The following MAGI3 variants were observed in gnomAD, a reference collection of about 807,000 sequenced individuals.
MAGI3 encodes membrane-associated guanylate kinase, WW and PDZ domain-containing protein 3.
A neutral mutation model predicts 121.8 loss-of-function variants in MAGI3; 43 were observed. That is an observed-to-expected ratio of 0.35 (90% CI 0.28 to 0.46). The LOEUF (loss-of-function observed/expected upper bound fraction) is 0.46. Ranked by LOEUF, MAGI3 falls within the 20% of genes least tolerant of loss-of-function variation. MAGI3 has a pLI of 1.00. For synonymous variants in MAGI3, 553 were observed against 639.3 expected (o/e 0.86, Z 2.04); for missense variants, 1,547 against 1,797.3 (o/e 0.86, Z 2.52).
intron 2 of MAGI3, among the ~76,000 whole-genome samples, chr1:113,564,111 T>C (rs1660342551): frequency 6.6e-6 from 1 of 152,232 alleles, no homozygotes; most frequent in Non-Finnish European, 1.5e-5. Context: ...GTGGTTTCTC[T>C]CTCTTCTCTG....
intron 1 of MAGI3, chr1:113,449,633 C>T (rs1654377883): frequency 4.4e-6 from 3 of 684,872 alleles, no homozygotes; most frequent in Non-Finnish European, 7.9e-6. Flanking sequence ...ATTCAGTTTG[C>T]TGATTAAAAA....
At chr1:113,489,239 C>T (rs569168942) in intron 1 of MAGI3, among the ~76,000 whole-genome samples, 11 of 151,240 alleles carry the variant, frequency 7.3e-5, no homozygotes, top group Non-Finnish European at 1.0e-4. Context: ...AATGCAAGTC[C>T]GCCAGAGTTA....
At chr1:113,614,551 T>G in intron 6 of MAGI3, 50 bp from the exon 7 acceptor site, 1 of 1,358,938 alleles carries the variant, frequency 7.4e-7, no homozygotes, top group African/African-American at 1.4e-5. Flanking sequence ...GGTGAATTCT[T>G]TTCTGTCAGT....
Position 113,422,785 on chromosome 1 carries a change from T to C in MAGI3, c.316+31436T>C, listed in dbSNP as rs1434033852. On this transcript the variant is annotated intron_variant, in intron 1 of 20. Coordinates refer to ENST00000307546, the MANE Select transcript of MAGI3 (RefSeq NM_001142782.2). This position sits in a 1 kb window ranked among gnomAD's most constrained non-coding sequence, Gnocchi z 4.3. The stretch of plus-strand genomic sequence containing the variant: ...TGGGGGAGGCATGTTTCGGGGGGCA[T>C]GTTTTGGCCCAATTGTGTTATAGCT... Among the ~76,000 whole-genome samples the C allele has an allele frequency of 6.6e-6, 1 of 152,116 alleles. No homozygotes were observed. The highest frequency in any genetic ancestry group is 6.5e-5 in the Admixed American group (1 of 15,286).
At position 113,585,600 on chromosome 1, in the gene MAGI3, T is replaced by A. The variant is rs377636216; in HGVS notation, c.763+4T>A. 3.1e-6 allele frequency: 5 copies of A among 1,606,008 alleles called. No homozygotes were observed. In the African/African-American group the frequency reaches 6.7e-5, roughly 22 times the overall value. Reference sequence around the variant, plus strand: ...ATTAATGGCAGTGGAAACGCAGGTTTGTAAATAGATGAACAACTTCTAACT... The same window carrying A: ...ATTAATGGCAGTGGAAACGCAGGTTAGTAAATAGATGAACAACTTCTAACT... On this transcript the variant is annotated splice_donor_region_variant and intron_variant, in intron 4 of 20. Coordinates refer to ENST00000307546, the MANE Select transcript of MAGI3 (RefSeq NM_001142782.2).
At position 113,646,628 on chromosome 1, in the gene MAGI3, T is replaced by C; in HGVS notation, c.2141T>C (p.Leu714Ser). 6.3e-7 allele frequency: 1 copy of C among 1,592,282 alleles called. No individual in the cohort carries two copies. Among genetic ancestry groups the C allele is most frequent in the Non-Finnish European group, 8.5e-7 (1 of 1,172,004 alleles). The change falls in exon 12 of 21, where the codon TTA (leucine) becomes TCA (serine). Residue 714 changes from leucine (L) to serine (S), a missense_variant. Physicochemically the swap from Leu to Ser is moderately radical, Grantham distance 145. Coordinates refer to ENST00000307546, the MANE Select transcript of MAGI3 (RefSeq NM_001142782.2). ...GAGGTCTACCTGAAATCTAAGACTT[T>C]ATATGAAGATAAACGTAAGTAGTTG... ...PSEVYLKSKT[L>S]YEDKPPNTKD... is the part of the protein sequence containing the mutation.
At chr1:113,418,964 ACAT>A (rs1173258109) in intron 1 of MAGI3, among the ~76,000 whole-genome samples, 1 of 152,108 alleles carries the variant, frequency 6.6e-6, no homozygotes, top group Non-Finnish European at 1.5e-5. Flanking sequence ...TTTTTTTGCT[ACAT>A]CATTGTTTTC....
At position 113,425,689 on chromosome 1, in the gene MAGI3, G is replaced by C. The variant is rs545172322; in HGVS notation, c.316+34340G>C. ...ATTTCTTCAAAATTATTGAATTTAT[G>C]AGTATAAAATTGTTCATAATATTCC... On this transcript the variant is annotated intron_variant, in intron 1 of 20. Transcript: ENST00000307546. Among the ~76,000 whole-genome samples, 8 of 152,258 alleles carry C rather than the reference G, an allele frequency of 5.3e-5. No individual in the cohort carries two copies. The South Asian group carries it at 1.7e-3, about 32-fold the overall frequency.
At chr1:113,627,937 G>A (rs1238183156) in intron 9 of MAGI3, among the ~76,000 whole-genome samples, 5 of 151,796 alleles carry the variant, frequency 3.3e-5, no homozygotes, top group African/African-American at 4.8e-5. Flanking sequence ...TTTCTTCTAG[G>A]CAATAGATCA....
Position 113,391,061 on chromosome 1 carries a change from C to T in MAGI3, c.28C>T (p.His10Tyr), listed in dbSNP as rs1177003782. MSKTLKKKK[H>Y]WLSKVQECAV... ...GTCGAAGACGCTGAAGAAGAAGAAG[C>T]ACTGGCTCAGCAAGGTGCAGGAGTG... Residue 10 changes from histidine (H) to tyrosine (Y), a missense_variant, in exon 1 of 21, where the codon CAC becomes TAC. By Grantham distance (83) the His-to-Tyr change is moderately conservative (BLOSUM62 2). Transcript: ENST00000307546. This position sits in a 1 kb window ranked among gnomAD's most constrained non-coding sequence, Gnocchi z 4.4. 4.4e-6 allele frequency: 7 copies of T among 1,591,458 alleles called. No homozygotes were observed. Among genetic ancestry groups the T allele is most frequent in the Non-Finnish European group, 6.0e-6 (7 of 1,170,072 alleles).
chr1:113,531,143 C>CT (rs908320315), intron 1 of MAGI3, among the ~76,000 whole-genome samples: 11 of 150,980 alleles, frequency 7.3e-5, no homozygotes, highest in South Asian at 2.1e-4. Flanking sequence ...TCTCCACTTT[C>CT]TTTTTTTTTA....
chr1:113,597,482 G>A (rs761776945), intron 6 of MAGI3, among the ~76,000 whole-genome samples: 31 of 152,138 alleles, frequency 2.0e-4, no homozygotes, highest in Non-Finnish European at 3.8e-4. Flanking sequence ...CCTCAATAAA[G>A]TTGTTTTTAA....
At chr1:113,495,935 A>T (rs2101589676) in intron 1 of MAGI3, among the ~76,000 whole-genome samples, 1 of 151,956 alleles carries the variant, frequency 6.6e-6, no homozygotes, top group African/African-American at 2.4e-5. Context: ...ACCTGCTATG[A>T]TTGATAACAG....
intron 16 of MAGI3, among the ~76,000 whole-genome samples, chr1:113,669,552 T>C (rs145730563): frequency 5.1e-4 from 77 of 152,286 alleles, no homozygotes; most frequent in African/African-American, 1.7e-3. Context: ...TAGTTTGAGA[T>C]AGAGTCTTGC....
chr1:113,490,901 C>T (rs2101581420), intron 1 of MAGI3, among the ~76,000 whole-genome samples: 2 of 152,218 alleles, frequency 1.3e-5, no homozygotes, highest in African/African-American at 4.8e-5. Flanking sequence ...TTCTTAGAGA[C>T]CTTCAAAGAC....
intron 5 of MAGI3, 119 bp downstream of exon 5, chr1:113,590,777 T>G: frequency 1.1e-6 from 1 of 898,338 alleles, no homozygotes; most frequent in Non-Finnish European, 1.6e-6. Context: ...TTTTCTTTCT[T>G]TAAAAATATT....
intron 1 of MAGI3, among the ~76,000 whole-genome samples, chr1:113,462,206 A>G (rs1205711726): frequency 1.3e-5 from 2 of 152,204 alleles, no homozygotes; most frequent in Non-Finnish European, 2.9e-5. Context: ...CAATCCCATT[A>G]CTGGGTATAT....
chr1:113,518,988 T>C (rs1469218369), intron 1 of MAGI3, among the ~76,000 whole-genome samples: 1 of 152,140 alleles, frequency 6.6e-6, no homozygotes, highest in Non-Finnish European at 1.5e-5. Context: ...AACAAGTTTG[T>C]TTCCCCCGTT....
intron 2 of MAGI3, among the ~76,000 whole-genome samples, chr1:113,556,612 T>G (rs1660004546): frequency 6.6e-6 from 1 of 150,726 alleles, no homozygotes; most frequent in African/African-American, 2.4e-5. Context: ...GTCCTGGAAT[T>G]CAATGATGTG....
Sources: gnomAD v4.1 joint callset for allele counts (sites outside exome capture counted in the v4.1 genomes callset) on GRCh38, gnomAD v4.1.1 for gene constraint, Gnocchi (gnomAD v3.1) non-coding constraint, MANE v1.5 for transcripts, NCBI Gene and HGNC (gene_info 2026-07-23, HGNC 2026-07-21) for gene names.